The following PHLDB2 variants were observed in gnomAD, a reference collection of about 807,000 sequenced individuals.
PHLDB2 encodes pleckstrin homology like domain family B member 2, also known as pleckstrin homology-like domain family B member 2.
A neutral mutation model predicts 123.6 loss-of-function variants in PHLDB2; 71 were observed. The observed-to-expected ratio is 0.57, with a 90% CI of 0.47 to 0.70. The LOEUF (loss-of-function observed/expected upper bound fraction) is 0.70. PHLDB2 is among the 30% of genes least tolerant of loss of function. The pLI is 0.00. For synonymous variants in PHLDB2, 547 were observed against 541.6 expected (o/e 1.01, Z -0.14); for missense variants, 1,446 against 1,519.5 (o/e 0.95, Z 0.80).
chr3:111,869,446 G>GT (rs200029212), intron 1 of PHLDB2, among the ~76,000 whole-genome samples: 7,369 of 120,106 alleles, frequency 0.061, 432 homozygotes, highest in South Asian at 0.19. Flanking sequence ...ATATGATAAA[G>GT]TAAAAATTCA....
intron 12 of PHLDB2, among the ~76,000 whole-genome samples, chr3:111,955,906 A>G (rs954008562): frequency 6.6e-6 from 1 of 152,214 alleles, no homozygotes; most frequent in Non-Finnish European, 1.5e-5. Flanking sequence ...ACTCCATGTT[A>G]AAAGCATTTT....
intron 2 of PHLDB2, among the ~76,000 whole-genome samples, chr3:111,895,757 G>A (rs1279081159): frequency 6.6e-6 from 1 of 152,028 alleles, no homozygotes; most frequent in Non-Finnish European, 1.5e-5. Context: ...GCTGAAGCAG[G>A]AAAATCACTT....
intron 1 of PHLDB2, among the ~76,000 whole-genome samples, chr3:111,808,861 T>C (rs2061711681): frequency 6.6e-6 from 1 of 152,228 alleles, no homozygotes; most frequent in Non-Finnish European, 1.5e-5. Flanking sequence ...ATAACTAATA[T>C]AATAAAGAGC....
rs186634147 is a variant in PHLDB2 at position 111,966,742 on chromosome 3, G to A, written c.3168+39G>A. 137 of 1,549,920 alleles carry A rather than the reference G, an allele frequency of 8.8e-5. 1 individual carries two copies. In the East Asian group the frequency reaches 2.1e-3, roughly 24 times the overall value. Reference sequence around the variant, plus strand: ...TTTCATGCCGGAGGTCTGTGATACCGTGGTGCAGGAGCCCTGCGCTTGGCA... The same window carrying A: ...TTTCATGCCGGAGGTCTGTGATACCATGGTGCAGGAGCCCTGCGCTTGGCA... On this transcript the variant is annotated intron_variant, in intron 14 of 17. Transcript: ENST00000431670.
intron 11 of PHLDB2, 50 bp downstream of exon 11, chr3:111,952,762 C>T: frequency 6.3e-7 from 1 of 1,581,832 alleles, no homozygotes; most frequent in East Asian, 2.2e-5. Context: ...GTCTTCTTGT[C>T]ATTATATTCA....
At position 111,920,920 on chromosome 3, in the gene PHLDB2, A is replaced by C. The variant is rs962988617; in HGVS notation, c.2001+501A>C. Among the ~76,000 whole-genome samples, 6 of 152,292 alleles carry C rather than the reference A, an allele frequency of 3.9e-5. No homozygotes were observed. In the East Asian group the frequency reaches 1.2e-3, roughly 29 times the overall value. On this transcript the variant is annotated intron_variant, in intron 5 of 17. Coordinates refer to ENST00000431670, the MANE Select transcript of PHLDB2 (RefSeq NM_001134438.2). ...TTTGCCTTGCTATTGTTTTCAATGC[A>C]AGTGCACTGCTTTTTGACAAATGTA...
intron 1 of PHLDB2, among the ~76,000 whole-genome samples, chr3:111,825,649 T>C (rs2062618257): frequency 6.6e-6 from 1 of 152,224 alleles, no homozygotes; most frequent in African/African-American, 2.4e-5. Context: ...GATTCTGCCA[T>C]GTTGGCCAGA....
chr3:111,885,492 G>T, intron 2 of PHLDB2, 80 bp downstream of exon 2: 2 of 1,546,492 alleles, frequency 1.3e-6, no homozygotes, highest in Non-Finnish European at 8.9e-7. Flanking sequence ...ATGGACTCCA[G>T]GATATGTGGG....
chr3:111,887,014 A>G (rs548463688), intron 2 of PHLDB2, among the ~76,000 whole-genome samples: 52 of 152,222 alleles, frequency 3.4e-4, no homozygotes, highest in Non-Finnish European at 5.4e-4. Flanking sequence ...AGCATTTTTA[A>G]TGGCTTCCAT....
At chr3:111,762,869 A>C (rs898866043) in intron 1 of PHLDB2, among the ~76,000 whole-genome samples, 1 of 152,226 alleles carries the variant, frequency 6.6e-6, no homozygotes, top group Non-Finnish European at 1.5e-5. Flanking sequence ...TTGCAGACTC[A>C]AAGCCCTCTG....
intron 17 of PHLDB2, 52 bp downstream of exon 17, chr3:111,973,869 GAA>G (rs1202973764): frequency 8.8e-7 from 1 of 1,135,818 alleles, no homozygotes; most frequent in African/African-American, 1.5e-5. Context: ...ATTAAGAAGG[GAA>G]AAATATTTTT....
At chr3:111,764,033 A>G (rs573447240) in intron 1 of PHLDB2, among the ~76,000 whole-genome samples, 1 of 152,326 alleles carries the variant, frequency 6.6e-6, no homozygotes, top group African/African-American at 2.4e-5. Flanking sequence ...GCCTTCTGGT[A>G]ATGGTATAAC....
intron 1 of PHLDB2, among the ~76,000 whole-genome samples, chr3:111,748,269 C>A (rs2059712983): frequency 6.6e-6 from 1 of 152,188 alleles, no homozygotes; most frequent in African/African-American, 2.4e-5. Context: ...ATCAGAGGCA[C>A]CAACCTTAAT....
chr3:111,808,859 T>C (rs2061711464), intron 1 of PHLDB2, among the ~76,000 whole-genome samples: 1 of 152,348 alleles, frequency 6.6e-6, no homozygotes, highest in African/African-American at 2.4e-5. Flanking sequence ...TCATAACTAA[T>C]ATAATAAAGA....
chr3:111,856,351 G>C (rs1007462156), upstream of PHLDB2, among the ~76,000 whole-genome samples: 4 of 152,124 alleles, frequency 2.6e-5, no homozygotes, highest in Non-Finnish European at 5.9e-5. Flanking sequence ...TCAAGAACAA[G>C]TGCTCAAATT....
At chr3:111,852,753 G>GACACACACAC (rs36217120) in intron 2 of PHLDB2, among the ~76,000 whole-genome samples, 1 of 150,178 alleles carries the variant, frequency 6.7e-6, no homozygotes. Flanking sequence ...TAATCTAAAA[G>GACACACACAC]ACACACACAC....
chr3:111,907,954 G>A (rs116802067), intron 2 of PHLDB2, among the ~76,000 whole-genome samples: 4,239 of 152,146 alleles, frequency 0.028, 127 homozygotes, highest in South Asian at 0.12. Context: ...GAGCCACCAC[G>A]CCCAGGTAAT....
At chr3:111,958,724 C>T (rs1322443304) in intron 12 of PHLDB2, 1 of 455,736 alleles carries the variant, frequency 2.2e-6, no homozygotes, top group Non-Finnish European at 4.4e-6. Context: ...TTTCAAGGCC[C>T]TTTTTACTGT....
chr3:111,741,223 A>G (rs1324427129), intron 1 of PHLDB2, among the ~76,000 whole-genome samples: 2 of 152,174 alleles, frequency 1.3e-5, no homozygotes, highest in African/African-American at 4.8e-5. Context: ...ACACCTACCC[A>G]CAGCCCTCAC....
Sources: allele counts gnomAD v4.1 joint callset (sites outside exome capture counted in the v4.1 genomes callset), GRCh38; gene constraint gnomAD v4.1.1; transcripts MANE v1.5; gene names NCBI Gene and HGNC (gene_info 2026-07-23, HGNC 2026-07-21).